Variants in DISP3 observed in about 807,000 individuals in gnomAD.
The protein encoded by DISP3 is dispatched RND transporter family member 3.
A neutral mutation model predicts 135.3 loss-of-function variants in DISP3; 101 were observed. That is an observed-to-expected ratio of 0.75 (90% CI 0.64 to 0.88). The LOEUF (loss-of-function observed/expected upper bound fraction) is 0.88. DISP3 is among the 40% of genes least tolerant of loss of function. The pLI, the probability that DISP3 is intolerant of heterozygous loss-of-function variation, is 0.00. For missense variants in DISP3, 1,713 were observed against 1,878.6 expected, an observed-to-expected ratio of 0.91 and a Z score of 1.63; for synonymous variants, 856 against 817.0, an observed-to-expected ratio of 1.05 and a Z score of -0.81.
rs1642222852 is a variant in DISP3, at chr1:11,522,408, G to A, written c.2363-1534G>A. 4.6e-5 allele frequency among the ~76,000 whole-genome samples: 7 copies of A among 152,234 alleles called. No homozygotes were observed. The South Asian group carries it at 1.2e-3, about 27-fold the overall frequency. On this transcript the variant is annotated intron_variant, in intron 10 of 20. Transcript: ENST00000294484. ...ACACTTCGGAGCCAGCCCTGGCCAC[G>A]TCCCCAGCTCCTCTACCCCACTGCC...
intron 3 of DISP3, among the ~76,000 whole-genome samples, chr1:11,513,040 C>G (rs1430009072): frequency 6.6e-6 from 1 of 152,090 alleles, no homozygotes; most frequent in African/African-American, 2.4e-5. Flanking sequence ...GTCCCTCCCA[C>G]AACACATGGG....
chr1:11,515,388 G>T lies in DISP3; in HGVS notation c.1473G>T (p.Gly491=), dbSNP rs1641980722. ...GCCCAGTGTTCCTGTCCTTCTTTGG[G>T]ATTGCCAGCATTGGTCTCAGCTGCC... ...TSCSVFLSFF[G]IASIGLSCLV... The change falls in exon 5 of 21, where the codon GGG becomes GGT. Residue 491 remains glycine (G), a synonymous_variant. Coordinates refer to ENST00000294484, the MANE Select transcript of DISP3 (RefSeq NM_020780.2). 1 of 1,614,208 alleles carries T rather than the reference G, an allele frequency of 6.2e-7. No individual in the cohort carries two copies. Among genetic ancestry groups the T allele is most frequent in the Non-Finnish European group, 8.5e-7 (1 of 1,180,028 alleles).
At position 11,520,029 on chromosome 1, in the gene DISP3, C is replaced by A; in HGVS notation, c.2200+149C>A. The A allele has an allele frequency of 1.3e-6, 1 of 756,920 alleles. No homozygotes were observed. Among genetic ancestry groups the A allele is most frequent in the Non-Finnish European group, 2.1e-6 (1 of 480,230 alleles). The allele number at this position is 756,920 out of a possible 1,614,324, so 46.9% of individuals were successfully genotyped here. On this transcript the variant is annotated intron_variant, in intron 9 of 20. Coordinates refer to ENST00000294484, the MANE Select transcript of DISP3 (RefSeq NM_020780.2). The surrounding 1 kb of genome is among the most constrained non-coding windows in gnomAD (Gnocchi z 4.8). ...TCTCTGACCCCCCCTCTTTCCTGTG[C>A]AGAATGAAGCCGGTCATGGCGGCTG... is the stretch of plus-strand genomic sequence containing the variant.
At chr1:11,523,113 G>A (rs929805110) in intron 10 of DISP3, among the ~76,000 whole-genome samples, 1 of 152,242 alleles carries the variant, frequency 6.6e-6, no homozygotes, top group African/African-American at 2.4e-5. Context: ...CAGCGGGGCT[G>A]CAAGTCCCTC....
intron 1 of DISP3, among the ~76,000 whole-genome samples, chr1:11,498,715 T>C (rs778715764): frequency 4.6e-5 from 7 of 152,148 alleles, no homozygotes; most frequent in Non-Finnish European, 8.8e-5. Flanking sequence ...AAGTAGCATA[T>C]GAAAGAATAG....
At chr1:11,532,906 A>G (rs1410244331) in intron 17 of DISP3, among the ~76,000 whole-genome samples, 2 of 152,080 alleles carry the variant, frequency 1.3e-5, no homozygotes, top group Admixed American at 1.3e-4. Flanking sequence ...GGGTTTCACC[A>G]TATTGGCCAG....
intron 20 of DISP3, among the ~76,000 whole-genome samples, 166 bp downstream of exon 20, chr1:11,535,810 G>A (rs1424398785): frequency 6.6e-6 from 1 of 152,120 alleles, no homozygotes; most frequent in Non-Finnish European, 1.5e-5. Context: ...CAAGCCCCAG[G>A]GACTCAAGTT....
chr1:11,530,243 GTGCCCTCCTCCT>G (rs1642541948), intron 15 of DISP3, among the ~76,000 whole-genome samples: 1 of 152,202 alleles, frequency 6.6e-6, no homozygotes, highest in African/African-American at 2.4e-5. Context: ...GGACACCTCC[GTGCCCTCCTCCT>G]TGCCCTCCCC....
At chr1:11,498,143 T>G (rs1227419374) in intron 1 of DISP3, among the ~76,000 whole-genome samples, 1 of 152,252 alleles carries the variant, frequency 6.6e-6, no homozygotes, top group Non-Finnish European at 1.5e-5. Context: ...CTGCAATTGT[T>G]GCAGTTGCTA....
In DISP3 at chr1:11,479,169, G is replaced by T. The variant is rs142295542; in HGVS notation, c.-207G>T. 0.014 allele frequency: 2,214 copies of T among 156,434 alleles called. 51 individuals carry two copies. The highest frequency in any genetic ancestry group is 0.05 in the African/African-American group (2,083 of 41,568). The allele number at this position is 156,434 out of a possible 1,614,324, so 9.7% of individuals were successfully genotyped here. A position where few individuals can be genotyped will look rare whatever the true frequency, so the allele number is the denominator to read the frequency against. ...GCGGAGTGCTCGGGTTGCGAGCTGA[G>T]GACTGGGATTCGCGCGCAGCTTCCC... On this transcript the variant is annotated 5_prime_UTR_variant, in exon 1 of 21. The change creates a new upstream start codon in the 5' untranslated region. Coordinates refer to ENST00000294484, the MANE Select transcript of DISP3 (RefSeq NM_020780.2).
At chr1:11,502,971 A>G (rs747838789) in intron 3 of DISP3, 74 bp downstream of exon 3, 5 of 1,271,644 alleles carry the variant, frequency 3.9e-6, no homozygotes, top group Admixed American at 4.5e-5. Context: ...CTTAAACCCC[A>G]TATCCCTTTC....
chr1:11,501,272 C>T lies in DISP3; in HGVS notation c.280C>T (p.Leu94Phe). The change falls in exon 2 of 21, where the codon CTT becomes TTT. Residue 94 changes from leucine (L) to phenylalanine (F), a missense_variant. Physicochemically the swap from Leu to Phe is conservative, Grantham distance 22 (BLOSUM62 0). Around this residue, in one of 2 missense-constraint regions of DISP3, gnomAD observed 571 missense variants for 494.1 expected, o/e 1.16. Coordinates refer to ENST00000294484, the MANE Select transcript of DISP3 (RefSeq NM_020780.2). This position sits in a 1 kb window ranked among gnomAD's most constrained non-coding sequence, Gnocchi z 4.9. Reference sequence around the variant, plus strand: ...CATGGCCCTGTCAGCCTTCATGTTCCTTTACTACCCACCGCTGGACATTGA... The same window carrying T: ...CATGGCCCTGTCAGCCTTCATGTTCTTTTACTACCCACCGCTGGACATTGA... The part of the protein sequence containing the change: ...IPMALSAFMF[L>F]YYPPLDIDIS... The T allele has an allele frequency of 3.1e-6, 5 of 1,614,178 alleles. No individual in the cohort carries two copies. The highest frequency in any genetic ancestry group is 4.2e-6 in the Non-Finnish European group (5 of 1,180,024).
Position 11,536,841 on chromosome 1 carries a change from A to G in DISP3, c.*155A>G. 9.6e-7 allele frequency: 1 copy of G among 1,041,088 alleles called. No individual in the cohort carries two copies. The highest frequency in any genetic ancestry group is 1.3e-6 in the Non-Finnish European group (1 of 743,852). 64.5% of individuals were successfully genotyped at this position (1,041,088 alleles called of 1,614,324 possible). A position where few individuals can be genotyped will look rare whatever the true frequency, so the allele number is the denominator to read the frequency against. On this transcript the variant is annotated 3_prime_UTR_variant, in exon 21 of 21. Coordinates refer to ENST00000294484, the MANE Select transcript of DISP3 (RefSeq NM_020780.2). The surrounding 1 kb of genome is among the most constrained non-coding windows in gnomAD (Gnocchi z 4.3). ...GCTGACACCCACACAGATGGTGTGG[A>G]CCATGCTGCCTTGTGGAGCTGGGAG...
Position 11,516,219 on chromosome 1 carries a change from C to T in DISP3, c.1749+58C>T. ...TCCCACACGCTCATGCATACCTAGC[C>T]GCTGGTCTCTGCCCTTCCCACCACC... On this transcript the variant is annotated intron_variant, in intron 6 of 20. Coordinates refer to ENST00000294484, the MANE Select transcript of DISP3 (RefSeq NM_020780.2). The surrounding 1 kb of genome is among the most constrained non-coding windows in gnomAD (Gnocchi z 5.1). 7.0e-6 allele frequency: 11 copies of T among 1,572,634 alleles called. No individual in the cohort carries two copies. The highest frequency in any genetic ancestry group is 9.5e-6 in the Non-Finnish European group (11 of 1,153,098).
intron 19 of DISP3, 119 bp downstream of exon 19, chr1:11,535,243 G>A (rs1027296645): frequency 4.2e-5 from 46 of 1,090,568 alleles, no homozygotes; most frequent in African/African-American, 3.9e-4. Context: ...CTCAGCGGAG[G>A]CTCATAGGAC....
At chr1:11,509,436 C>A (rs1641793938) in intron 3 of DISP3, among the ~76,000 whole-genome samples, 1 of 151,934 alleles carries the variant, frequency 6.6e-6, no homozygotes, top group African/African-American at 2.4e-5. Context: ...TCATGGTCTT[C>A]TATATCCTTA....
intron 12 of DISP3, 96 bp from the exon 13 acceptor site, chr1:11,526,555 C>A: frequency 7.3e-7 from 1 of 1,374,712 alleles, no homozygotes; most frequent in Non-Finnish European, 1.0e-6. Flanking sequence ...ACAGGGTGAA[C>A]TATGCCGAGG....
intron 1 of DISP3, among the ~76,000 whole-genome samples, chr1:11,500,264 C>A (rs1231447433): frequency 6.6e-6 from 1 of 152,276 alleles, no homozygotes. Flanking sequence ...GTGACAGGCA[C>A]CTAGCCCTGG....
In DISP3 at chr1:11,535,022, G is replaced by A. The variant is rs767790861; in HGVS notation, c.3547G>A (p.Ala1183Thr). Residue 1183 changes from alanine (A) to threonine (T), a missense_variant, in exon 19 of 21, where the codon GCC becomes ACC. Physicochemically the swap from Ala to Thr is moderately conservative, Grantham distance 58. Transcript: ENST00000294484. Reference protein sequence around the residue: ...IFMEIVGVQSALCGLVLSLLI... With the variant: ...IFMEIVGVQSTLCGLVLSLLI... ...GTCCTCCCTTGCAGGGGTGCAGAGCGCCCTGTGCGGCCTGGTGCTATCCCT... is the reference window on the plus strand; with the variant it reads ...GTCCTCCCTTGCAGGGGTGCAGAGCACCCTGTGCGGCCTGGTGCTATCCCT... 1.9e-6 allele frequency: 3 copies of A among 1,587,144 alleles called. No homozygotes were observed. The highest frequency in any genetic ancestry group is 1.3e-5 in the African/African-American group (1 of 74,682).
Sources: allele counts gnomAD v4.1 joint callset (sites outside exome capture counted in the v4.1 genomes callset), GRCh38; gene constraint gnomAD v4.1.1; regional missense constraint gnomAD v4.1.1; non-coding constraint Gnocchi (gnomAD v3.1); transcripts MANE v1.5; gene names NCBI Gene and HGNC (gene_info 2026-07-23, HGNC 2026-07-21).